The following SNTG1 variants were observed in gnomAD, a reference collection of about 807,000 sequenced individuals.
SNTG1 encodes the protein gamma-1-syntrophin.
A neutral mutation model predicts 74.7 loss-of-function variants in SNTG1; 39 were observed. That is an observed-to-expected ratio of 0.52 (90% CI 0.40 to 0.68). The LOEUF (loss-of-function observed/expected upper bound fraction) is 0.68. Among genes scored for constraint, SNTG1 ranks in the 30% least tolerant of loss-of-function variants. The pLI is 0.00. For synonymous variants in SNTG1, 254 were observed against 217.1 expected, an observed-to-expected ratio of 1.17 and a Z score of -1.49; for missense variants, 685 against 609.5, an observed-to-expected ratio of 1.12 and a Z score of -1.30.
At chr8:50,740,363 G>GAA (rs58639766) in intron 17 of SNTG1, among the ~76,000 whole-genome samples, 1 of 139,076 alleles carries the variant, frequency 7.2e-6, no homozygotes. Flanking sequence ...AAAAACATAT[G>GAA]AAAAAAAAAA....
chr8:50,581,967 G>A (rs556351845), intron 12 of SNTG1, among the ~76,000 whole-genome samples: 219 of 152,262 alleles, frequency 1.4e-3, no homozygotes, highest in Middle Eastern at 6.8e-3. Context: ...AATTTCTTGT[G>A]GAGTTTTAGA....
intron 1 of SNTG1, among the ~76,000 whole-genome samples, chr8:50,111,533 C>T (rs1484772832): frequency 3.3e-5 from 5 of 152,202 alleles, no homozygotes; most frequent in East Asian, 3.9e-4. Flanking sequence ...CTGCTAGAAA[C>T]GAGGTTAGGC....
chr8:50,675,446 G>A (rs1444652722), intron 15 of SNTG1, among the ~76,000 whole-genome samples: 1 of 151,296 alleles, frequency 6.6e-6, no homozygotes, highest in East Asian at 1.9e-4. Flanking sequence ...ATCTTTGTTG[G>A]TTTAAAGTCT....
In SNTG1 at chr8:50,251,369, A is replaced by G. The variant is rs553648408; in HGVS notation, c.-28+78734A>G. 5.3e-5 allele frequency among the ~76,000 whole-genome samples: 8 copies of G among 152,104 alleles called. No individual in the cohort carries two copies. The South Asian group carries it at 1.7e-3, about 32-fold the overall frequency. ...AATCGTTAACAAACTTGCAGGAGTAATTATTTGCCTATAAATAATAACATG... is the reference window on the plus strand; with the variant it reads ...AATCGTTAACAAACTTGCAGGAGTAGTTATTTGCCTATAAATAATAACATG... On this transcript the variant is annotated intron_variant, in intron 2 of 18. Coordinates refer to ENST00000642720, the MANE Select transcript of SNTG1 (RefSeq NM_018967.5).
intron 9 of SNTG1, 84 bp from the exon 10 acceptor site, chr8:50,530,093 A>G (rs1186800727): frequency 2.8e-6 from 3 of 1,076,540 alleles, no homozygotes; most frequent in African/African-American, 1.6e-5. Flanking sequence ...ATTACTGAGT[A>G]TCCTTGAAAG....
chr8:50,753,665 C>T (rs12674534), intron 18 of SNTG1, among the ~76,000 whole-genome samples: 32,572 of 151,766 alleles, frequency 0.21, 5,264 homozygotes, highest in African/African-American at 0.46. Context: ...AGCTACTAAG[C>T]ATTATTCATT....
At chr8:49,996,799 G>A (rs192506625) in intron 1 of SNTG1, among the ~76,000 whole-genome samples, 28 of 151,436 alleles carry the variant, frequency 1.8e-4, no homozygotes, top group African/African-American at 6.8e-4. Context: ...AAGGAACTAA[G>A]AAAGTTTCTT....
chr8:50,738,383 G>A (rs1585677850), intron 17 of SNTG1, among the ~76,000 whole-genome samples: 3 of 151,932 alleles, frequency 2.0e-5, no homozygotes, highest in Admixed American at 1.3e-4. Context: ...AAGAGAACTA[G>A]AAACCACTGC....
At chr8:50,118,308 TAA>T (rs111802732) in intron 1 of SNTG1, among the ~76,000 whole-genome samples, 1 of 151,652 alleles carries the variant, frequency 6.6e-6, no homozygotes, top group African/African-American at 2.4e-5. Flanking sequence ...CTTCAGGTTT[TAA>T]AAAAAAATTA....
chr8:50,358,500 T>C (rs1333980428), intron 2 of SNTG1, among the ~76,000 whole-genome samples: 1 of 152,176 alleles, frequency 6.6e-6, no homozygotes, highest in East Asian at 1.9e-4. Context: ...TTGGACACAA[T>C]TAGTCCAGGA....
At chr8:50,245,540 G>T (rs2086358548) in intron 2 of SNTG1, among the ~76,000 whole-genome samples, 1 of 151,924 alleles carries the variant, frequency 6.6e-6, no homozygotes, top group South Asian at 2.1e-4. Context: ...AAAATTAGCT[G>T]GGCATGGTGG....
chr8:50,103,849 A>T (rs1056872956), intron 1 of SNTG1, among the ~76,000 whole-genome samples: 1 of 152,128 alleles, frequency 6.6e-6, no homozygotes, highest in Non-Finnish European at 1.5e-5. Context: ...TTCTGTTTAT[A>T]TGCTGGATTA....
At chr8:50,792,003 G>A (rs2095692044) in intron 18 of SNTG1, among the ~76,000 whole-genome samples, 1 of 151,288 alleles carries the variant, frequency 6.6e-6, no homozygotes. Context: ...GGTAATAAAT[G>A]GGTTACAAAT....
At chr8:50,438,356 C>A (rs1261830970) in intron 4 of SNTG1, among the ~76,000 whole-genome samples, 187 bp from the exon 5 acceptor site, 2 of 152,070 alleles carry the variant, frequency 1.3e-5, no homozygotes, top group Non-Finnish European at 2.9e-5. Flanking sequence ...TAACAAGTAA[C>A]CCTTTGATTT....
intron 17 of SNTG1, among the ~76,000 whole-genome samples, chr8:50,727,776 C>T (rs538894239): frequency 6.6e-6 from 1 of 152,156 alleles, no homozygotes. Context: ...AAGAGCTGAT[C>T]CTGTGGCTAT....
At chr8:50,732,310 T>C (rs940602602) in intron 17 of SNTG1, among the ~76,000 whole-genome samples, 3 of 152,000 alleles carry the variant, frequency 2.0e-5, no homozygotes, top group Admixed American at 6.6e-5. Flanking sequence ...TAAAGTATCT[T>C]GTCCAACACT....
At chr8:50,690,912 C>T (rs1019354908) in intron 15 of SNTG1, among the ~76,000 whole-genome samples, 10 of 152,104 alleles carry the variant, frequency 6.6e-5, no homozygotes, top group Non-Finnish European at 1.5e-4. Context: ...TCAGGACTTG[C>T]TTTATGAATC....
chr8:49,948,562 A>G (rs561201797), intron 1 of SNTG1, among the ~76,000 whole-genome samples: 253 of 152,274 alleles, frequency 1.7e-3, no homozygotes, highest in African/African-American at 5.9e-3. Context: ...CTCTTCTTAA[A>G]TCATCTACTG....
chr8:50,066,892 A>G (rs1053972432), intron 1 of SNTG1, among the ~76,000 whole-genome samples: 2 of 152,242 alleles, frequency 1.3e-5, no homozygotes, highest in African/African-American at 4.8e-5. Context: ...AATGGAAATA[A>G]AAAACAGTAA....
Sources: allele counts gnomAD v4.1 joint callset (sites outside exome capture counted in the v4.1 genomes callset), GRCh38; gene constraint gnomAD v4.1.1; transcripts MANE v1.5; gene names NCBI Gene and HGNC (gene_info 2026-07-23, HGNC 2026-07-21).